Variants in CAMKMT observed in about 807,000 individuals in gnomAD.
The protein encoded by CAMKMT is calmodulin-lysine N-methyltransferase, also known as CaM KMT.
CAMKMT carries 53 observed loss-of-function variants against 48.0 expected under a neutral mutation model. That is an observed-to-expected ratio of 1.10 (90% CI 0.89 to 1.39). The LOEUF (loss-of-function observed/expected upper bound fraction) is 1.39. Ranked by LOEUF, CAMKMT falls within the 40% of genes most tolerant of loss-of-function variation. CAMKMT has a pLI of 0.00. For synonymous variants in CAMKMT, 165 were observed against 152.3 expected, an observed-to-expected ratio of 1.08 and a Z score of -0.61; for missense variants, 428 against 402.7, an observed-to-expected ratio of 1.06 and a Z score of -0.54.
At position 44,618,932 on chromosome 2, in the gene CAMKMT, C is replaced by G. The variant is rs1449477004; in HGVS notation, c.377-85351C>G. Among the ~76,000 whole-genome samples, 1 of 152,146 alleles carries G rather than the reference C, an allele frequency of 6.6e-6. No individual in the cohort carries two copies. The highest frequency in any genetic ancestry group is 1.5e-5 in the Non-Finnish European group (1 of 68,026). On this transcript the variant is annotated intron_variant, in intron 3 of 10. Transcript: ENST00000378494. The surrounding 1 kb of genome is among the most constrained non-coding windows in gnomAD (Gnocchi z 4.0). ...TGATAAACTTAAAAAGCCTTTCTGA[C>G]ATCATGCATTTCTCCCAGACTACTG...
rs149251726 is a variant in CAMKMT, at chr2:44,516,084, C to T, written c.376+125779C>T. Among the ~76,000 whole-genome samples, 581 of 152,262 alleles carry T rather than the reference C, an allele frequency of 3.8e-3. 1 individual carries two copies. The highest frequency in any genetic ancestry group is 0.02 in the East Asian group (104 of 5,194). ...CCAAACAAAATTATTTCATTGCTTACGGTGAAATGTACCAGGGGTGCTGAT... is the reference window on the plus strand; with the variant it reads ...CCAAACAAAATTATTTCATTGCTTATGGTGAAATGTACCAGGGGTGCTGAT... On this transcript the variant is annotated intron_variant, in intron 3 of 10. Transcript: ENST00000378494.
intron 3 of CAMKMT, among the ~76,000 whole-genome samples, chr2:44,429,053 T>TGACTG: frequency 6.6e-6 from 1 of 152,228 alleles, no homozygotes; most frequent in South Asian, 2.1e-4. Flanking sequence ...CCAGTCATGT[T>TGACTG]GAACTTAAGG....
At chr2:44,415,089 T>C (rs1191169367) in intron 3 of CAMKMT, among the ~76,000 whole-genome samples, 1 of 152,160 alleles carries the variant, frequency 6.6e-6, no homozygotes, top group African/African-American at 2.4e-5. Flanking sequence ...AGGCAGAGAA[T>C]GCAGTGAGCT....
At chr2:44,525,265 T>A (rs911184280) in intron 3 of CAMKMT, among the ~76,000 whole-genome samples, 2 of 151,228 alleles carry the variant, frequency 1.3e-5, no homozygotes, top group African/African-American at 4.9e-5. Context: ...AAAGAGATAT[T>A]TTTTTTTTGA....
At chr2:44,534,166 G>A (rs1036096475) in intron 3 of CAMKMT, among the ~76,000 whole-genome samples, 1 of 152,100 alleles carries the variant, frequency 6.6e-6, no homozygotes, top group Non-Finnish European at 1.5e-5. Context: ...TTCAGCAAGA[G>A]GATATAACAA....
At chr2:44,490,662 T>C in intron 3 of CAMKMT, among the ~76,000 whole-genome samples, 1 of 152,188 alleles carries the variant, frequency 6.6e-6, no homozygotes, top group Non-Finnish European at 1.5e-5. Context: ...ACTTGAAAGT[T>C]ATATGTATTA....
intron 9 of CAMKMT, among the ~76,000 whole-genome samples, chr2:44,763,285 G>T (rs992639661): frequency 6.6e-6 from 1 of 152,148 alleles, no homozygotes; most frequent in South Asian, 2.1e-4. Flanking sequence ...TTTCTCGTGG[G>T]TACAGTGTTG....
intron 3 of CAMKMT, among the ~76,000 whole-genome samples, chr2:44,698,975 C>T (rs553372158): frequency 2.0e-5 from 3 of 152,154 alleles, no homozygotes; most frequent in South Asian, 2.1e-4. Flanking sequence ...CTTCTTTACC[C>T]GTGCGTAAGA....
chr2:44,665,623 A>C (rs1419854169), intron 3 of CAMKMT, among the ~76,000 whole-genome samples: 19 of 152,110 alleles, frequency 1.2e-4, no homozygotes, highest in Admixed American at 1.2e-3. Context: ...TCCTGTCTTC[A>C]TTGTATTACT....
chr2:44,463,234 C>G (rs990704418), intron 3 of CAMKMT, among the ~76,000 whole-genome samples: 1 of 152,146 alleles, frequency 6.6e-6, no homozygotes, highest in South Asian at 2.1e-4. Flanking sequence ...GAATAGGAAG[C>G]CCTAGACCTT....
At chr2:44,418,067 CTA>C (rs771713069) in intron 3 of CAMKMT, among the ~76,000 whole-genome samples, 86 of 151,962 alleles carry the variant, frequency 5.7e-4, no homozygotes, top group Non-Finnish European at 1.1e-3. Flanking sequence ...TGGCACGTGC[CTA>C]TAATCCCAAA....
chr2:44,503,984 G>GAGAGA (rs1553404273), intron 3 of CAMKMT, among the ~76,000 whole-genome samples: 64 of 142,668 alleles, frequency 4.5e-4, no homozygotes, highest in Non-Finnish European at 6.5e-4. Context: ...GAGCGGGTGG[G>GAGAGA]GAGAGAGAGA....
chr2:44,738,259 A>T (rs1335682494), intron 7 of CAMKMT, among the ~76,000 whole-genome samples: 1 of 152,168 alleles, frequency 6.6e-6, no homozygotes, highest in African/African-American at 2.4e-5. Context: ...GGTAGGGCTC[A>T]TTTCATTTAT....
chr2:44,764,204 T>A (rs1680737549), intron 9 of CAMKMT, among the ~76,000 whole-genome samples: 1 of 152,192 alleles, frequency 6.6e-6, no homozygotes, highest in South Asian at 2.1e-4. Context: ...GCTGCTATAA[T>A]TATGTGCCTG....
At chr2:44,694,992 G>A (rs1282397377) in intron 3 of CAMKMT, among the ~76,000 whole-genome samples, 1 of 152,146 alleles carries the variant, frequency 6.6e-6, no homozygotes, top group Non-Finnish European at 1.5e-5. Flanking sequence ...CGTTTATAAC[G>A]TGTTTAGAGA....
chr2:44,519,750 A>G (rs1175490754), intron 3 of CAMKMT, among the ~76,000 whole-genome samples: 1 of 152,114 alleles, frequency 6.6e-6, no homozygotes, highest in Non-Finnish European at 1.5e-5. Flanking sequence ...AACATGCACT[A>G]TTTCATTTGG....
Position 44,445,929 on chromosome 2 carries a change from A to G in CAMKMT, c.376+55624A>G, listed in dbSNP as rs564235398. 4.6e-5 allele frequency among the ~76,000 whole-genome samples: 7 copies of G among 152,080 alleles called. No individual in the cohort carries two copies. The South Asian group carries it at 1.5e-3, about 32-fold the overall frequency. ...ACTCTTAGATAGGCTTCTGACTGCC[A>G]TTTTCCCCAAAACAAGACCCTCTGT... On this transcript the variant is annotated intron_variant, in intron 3 of 10. Coordinates refer to ENST00000378494, the MANE Select transcript of CAMKMT (RefSeq NM_024766.5).
intron 7 of CAMKMT, among the ~76,000 whole-genome samples, chr2:44,737,754 T>TTCTCTC (rs140977311): frequency 2.0e-5 from 3 of 149,024 alleles, no homozygotes; most frequent in African/African-American, 7.3e-5. Context: ...CTCTCTCTCT[T>TTCTCTC]TCTCTCTCTC....
At chr2:44,390,881 A>G (rs755175133) in intron 3 of CAMKMT, among the ~76,000 whole-genome samples, 2 of 152,194 alleles carry the variant, frequency 1.3e-5, no homozygotes, top group Non-Finnish European at 2.9e-5. Context: ...AAAATCACTT[A>G]AATATTTCTT....
Sources: gnomAD v4.1 joint callset for allele counts (sites outside exome capture counted in the v4.1 genomes callset) on GRCh38, gnomAD v4.1.1 for gene constraint, Gnocchi (gnomAD v3.1) non-coding constraint, MANE v1.5 for transcripts, NCBI Gene and HGNC (gene_info 2026-07-23, HGNC 2026-07-21) for gene names.